MATN2: variants seen among roughly 807,000 people sequenced by gnomAD.
MATN2 encodes the protein matrilin-2.
MATN2 carries 69 observed loss-of-function variants against 103.2 expected under a neutral mutation model. The ratio of observed to expected loss-of-function variants is 0.67; its 90% CI spans 0.55 to 0.82. The LOEUF (loss-of-function observed/expected upper bound fraction) is 0.82. Among genes scored for constraint, MATN2 ranks in the 40% least tolerant of loss-of-function variants. The pLI is 0.00. For missense variants in MATN2, 1,023 were observed against 1,211.5 expected, an observed-to-expected ratio of 0.84 and a Z score of 2.31; for synonymous variants, 429 against 450.2, an observed-to-expected ratio of 0.95 and a Z score of 0.60.
chr8:97,921,279 C>G (rs886111263), intron 2 of MATN2, among the ~76,000 whole-genome samples: 1 of 152,186 alleles, frequency 6.6e-6, no homozygotes, highest in African/African-American at 2.4e-5. Context: ...CACAATATGT[C>G]TTAGACCCAT....
At chr8:97,929,665 C>G (rs1810114291) in intron 2 of MATN2, among the ~76,000 whole-genome samples, 1 of 152,188 alleles carries the variant, frequency 6.6e-6, no homozygotes, top group Non-Finnish European at 1.5e-5. Context: ...TAACATTTGC[C>G]TTTTTCCAAT....
chr8:97,938,913 C>T (rs143457355), intron 3 of MATN2, among the ~76,000 whole-genome samples: 106 of 152,178 alleles, frequency 7.0e-4, no homozygotes, highest in African/African-American at 2.2e-3. Flanking sequence ...GACAGAGTCT[C>T]GCTGTGTCTG....
At chr8:97,947,255 C>T (rs535380113) in intron 4 of MATN2, among the ~76,000 whole-genome samples, 2 of 152,146 alleles carry the variant, frequency 1.3e-5, no homozygotes, top group East Asian at 3.9e-4. Context: ...GCCTGTAATC[C>T]CAATTACTCA....
chr8:97,957,516 AC>A (rs1811180942), intron 4 of MATN2, among the ~76,000 whole-genome samples: 1 of 152,192 alleles, frequency 6.6e-6, no homozygotes, highest in Non-Finnish European at 1.5e-5. Context: ...AATTCTAAAA[AC>A]AGTAAGAAAG....
At chr8:97,959,794 T>G (rs1163204923) in intron 4 of MATN2, among the ~76,000 whole-genome samples, 4 of 145,194 alleles carry the variant, frequency 2.8e-5, no homozygotes, top group Non-Finnish European at 6.0e-5. Context: ...GCTTTTATCT[T>G]TTTAAAAATC....
rs35090047 is a variant in MATN2, at chr8:97,902,497, CA to C, written c.142+14268del. Among the ~76,000 whole-genome samples, 102 of 113,298 alleles carry C rather than the reference CA, an allele frequency of 9.0e-4. 1 individual carries two copies. Among genetic ancestry groups the C allele is most frequent in the Admixed American group, 8.3e-4 (9 of 10,826 alleles). 74.3% of individuals were successfully genotyped at this position (113,298 alleles called of 152,430 possible). A position where few individuals can be genotyped will look rare whatever the true frequency, so the allele number is the denominator to read the frequency against. On this transcript the variant is annotated intron_variant, in intron 2 of 18. Coordinates refer to ENST00000254898, the MANE Select transcript of MATN2 (RefSeq NM_002380.5). ...AGGCAACAAGAACGAAACTCCGTCTCAAAAAAAAAAAAAGAATAAAAAAAAA... is the reference window on the plus strand; with the variant it reads ...AGGCAACAAGAACGAAACTCCGTCTCAAAAAAAAAAAAGAATAAAAAAAAA...
At chr8:97,990,969 T>A (rs1812369990) in intron 6 of MATN2, among the ~76,000 whole-genome samples, 1 of 152,158 alleles carries the variant, frequency 6.6e-6, no homozygotes, top group African/African-American at 2.4e-5. Context: ...GCAAAATGCA[T>A]CAGATTGTTT....
At position 98,018,686 on chromosome 8, in the gene MATN2, T is replaced by C. The variant is rs911510350; in HGVS notation, c.1819+570T>C. On this transcript the variant is annotated intron_variant, in intron 12 of 18. Transcript: ENST00000254898. ...TGGTGGCAGACAAGAGAAGAGAACT[T>C]GTGCAGGGAAACCCCCTTTATAAAA... 2.0e-5 allele frequency among the ~76,000 whole-genome samples: 3 copies of C among 152,152 alleles called. 1 individual carries two copies. The highest frequency in any genetic ancestry group is 6.5e-5 in the Admixed American group (1 of 15,272).
intron 6 of MATN2, 123 bp from the exon 7 acceptor site, chr8:97,994,357 G>C: frequency 9.9e-7 from 1 of 1,006,554 alleles, no homozygotes; most frequent in South Asian, 1.6e-5. Context: ...ACCCCTTCAT[G>C]GTGTGACTCT....
chr8:98,025,765 G>A, intron 13 of MATN2: 1 of 444,762 alleles, frequency 2.2e-6, no homozygotes, highest in Non-Finnish European at 4.5e-6. Context: ...GAAGAAATGA[G>A]ATAATCCATT....
At chr8:97,920,999 C>T (rs1371163234) in intron 2 of MATN2, among the ~76,000 whole-genome samples, 1 of 152,164 alleles carries the variant, frequency 6.6e-6, no homozygotes, top group African/African-American at 2.4e-5. Context: ...TATCATGGGA[C>T]CAGCTGTCTC....
intron 12 of MATN2, 131 bp from the exon 13 acceptor site, chr8:98,021,074 T>C: frequency 2.4e-6 from 2 of 826,350 alleles, no homozygotes; most frequent in Non-Finnish European, 3.7e-6. Context: ...CAAAAGACAT[T>C]ATGAAGGAGG....
intron 6 of MATN2, among the ~76,000 whole-genome samples, chr8:97,980,551 T>C (rs1472351611): frequency 1.3e-5 from 2 of 148,776 alleles, no homozygotes; most frequent in Non-Finnish European, 3.0e-5. Flanking sequence ...CATAGCATTA[T>C]TCTTTCCTTT....
At chr8:97,981,888 TAGATACCGCAGCATAGTGGGA>T (rs1208140024) in intron 6 of MATN2, among the ~76,000 whole-genome samples, 1 of 152,012 alleles carries the variant, frequency 6.6e-6, no homozygotes, top group Admixed American at 6.6e-5. Flanking sequence ...ACCCTGGAAG[TAGATACCGCAGCATAGTGGGA>T]CTGGGAGAGG....
chr8:97,967,275 G>T (rs938456248), intron 5 of MATN2, among the ~76,000 whole-genome samples: 1 of 151,852 alleles, frequency 6.6e-6, no homozygotes, highest in African/African-American at 2.4e-5. Flanking sequence ...TCCACTCCTG[G>T]CCCCCCATAT....
chr8:97,905,776 C>T (rs1819148430), intron 2 of MATN2, among the ~76,000 whole-genome samples: 1 of 152,184 alleles, frequency 6.6e-6, no homozygotes, highest in Non-Finnish European at 1.5e-5. Context: ...GATCTTTCCA[C>T]CTCAGCCTCC....
chr8:97,993,262 C>T (rs1812459420), intron 6 of MATN2, among the ~76,000 whole-genome samples: 1 of 152,146 alleles, frequency 6.6e-6, no homozygotes, highest in Non-Finnish European at 1.5e-5. Context: ...TGGGAACTCT[C>T]ATTTATACCA....
intron 2 of MATN2, among the ~76,000 whole-genome samples, chr8:97,890,891 G>C (rs991725611): frequency 6.6e-6 from 1 of 152,134 alleles, no homozygotes; most frequent in Non-Finnish European, 1.5e-5. Flanking sequence ...AACTTTCTGG[G>C]TTTTAAAAAT....
chr8:97,933,402 A>G (rs181507785), intron 3 of MATN2, among the ~76,000 whole-genome samples: 1 of 152,172 alleles, frequency 6.6e-6, no homozygotes, highest in Non-Finnish European at 1.5e-5. Flanking sequence ...TTGACAGCTT[A>G]TTCATTTGTG....
Sources: gnomAD v4.1 joint callset for allele counts (sites outside exome capture counted in the v4.1 genomes callset) on GRCh38, gnomAD v4.1.1 for gene constraint, MANE v1.5 for transcripts, NCBI Gene and HGNC (gene_info 2026-07-23, HGNC 2026-07-21) for gene names.